AMDHD2: variants seen among roughly 807,000 people sequenced by gnomAD.
AMDHD2 encodes the protein N-acetylglucosamine-6-phosphate deacetylase.
Under a neutral mutation model 41.8 loss-of-function variants are expected in AMDHD2, and 24 were observed. The observed-to-expected ratio is 0.57, with a 90% CI of 0.42 to 0.81. The LOEUF (loss-of-function observed/expected upper bound fraction) is 0.81. AMDHD2 is among the 30% of genes least tolerant of loss of function. The pLI is 0.00. For synonymous variants in AMDHD2, 332 were observed against 255.5 expected, an observed-to-expected ratio of 1.30 and a Z score of -2.85; for missense variants, 540 against 588.5, an observed-to-expected ratio of 0.92 and a Z score of 0.85.
In AMDHD2 at chr16:2,527,473, TCTGA is replaced by T; in HGVS notation, c.361-86_361-83del. ...CTGGGCTGGGTGCTGGGCTCTGAACTCTGACCTGAGATCTCTGGCCTTGGCTAGG... is the reference window on the plus strand; with the variant it reads ...CTGGGCTGGGTGCTGGGCTCTGAACTCCTGAGATCTCTGGCCTTGGCTAGG... On this transcript the variant is annotated intron_variant, in intron 3 of 10. Transcript: ENST00000293971. The surrounding 1 kb of genome is among the most constrained non-coding windows in gnomAD (Gnocchi z 6.1). The T allele has an allele frequency of 6.8e-7, 1 of 1,468,950 alleles. No individual in the cohort carries two copies. 91.0% of individuals were successfully genotyped at this position (1,468,950 alleles called of 1,614,324 possible).
chr16:2,525,004 C>T (rs117819428), intron 3 of AMDHD2, among the ~76,000 whole-genome samples: 253 of 151,732 alleles, frequency 1.7e-3, no homozygotes, highest in Non-Finnish European at 2.2e-3. Context: ...TGTTTCTTGG[C>T]TCTAACCCAA....
At chr16:2,524,480 C>G (rs925066164) in intron 3 of AMDHD2, among the ~76,000 whole-genome samples, 1 of 152,210 alleles carries the variant, frequency 6.6e-6, no homozygotes, top group African/African-American at 2.4e-5. Context: ...GTGCCTCACT[C>G]CCCTCCCCTC....
In AMDHD2 at chr16:2,528,054, C is replaced by G. The variant is rs778728555; in HGVS notation, c.629-6C>G. Reference sequence around the variant, plus strand: ...CAGGTGCAAAGTCTGAATCCAGGTCCCGCAGGGCACTCAGTGGCTGACCTG... The same window carrying G: ...CAGGTGCAAAGTCTGAATCCAGGTCGCGCAGGGCACTCAGTGGCTGACCTG... On this transcript the variant is annotated splice_polypyrimidine_tract_variant and splice_region_variant and intron_variant, in intron 5 of 10. Transcript: ENST00000293971. 1 of 1,612,734 alleles carries G rather than the reference C, an allele frequency of 6.2e-7. No individual in the cohort carries two copies. The highest frequency in any genetic ancestry group is 8.5e-7 in the Non-Finnish European group (1 of 1,179,866).
At chr16:2,525,742 C>T (rs1596994775) in intron 3 of AMDHD2, among the ~76,000 whole-genome samples, 2 of 152,204 alleles carry the variant, frequency 1.3e-5, no homozygotes, top group African/African-American at 4.8e-5. Context: ...GATGCGGTTT[C>T]ACCACATTAG....
rs1046216380 is a variant in AMDHD2 at position 2,530,025 on chromosome 16, G to A, written c.*462G>A. 1.3e-6 allele frequency: 1 copy of A among 749,352 alleles called. No individual in the cohort carries two copies. Among genetic ancestry groups the A allele is most frequent in the Non-Finnish European group, 2.1e-6 (1 of 479,500 alleles). 46.4% of individuals were successfully genotyped at this position (749,352 alleles called of 1,614,324 possible). A position where few individuals can be genotyped will look rare whatever the true frequency, so the allele number is the denominator to read the frequency against. Reference sequence around the variant, plus strand: ...AGGAAGGGGACCAGTCACAGGGAGTGTGGACAGTCAGGGGTTTGCTTTCTG... The same window carrying A: ...AGGAAGGGGACCAGTCACAGGGAGTATGGACAGTCAGGGGTTTGCTTTCTG... On this transcript the variant is annotated 3_prime_UTR_variant, in exon 11 of 11. Transcript: ENST00000293971.
intron 3 of AMDHD2, among the ~76,000 whole-genome samples, chr16:2,525,431 A>G (rs2065991256): frequency 6.6e-6 from 1 of 150,930 alleles, no homozygotes; most frequent in Non-Finnish European, 1.5e-5. Context: ...CAATGGCACA[A>G]TCTCGGCTTA....
rs1567134941 is a variant in AMDHD2, at chr16:2,530,649, G to C, written c.*1086G>C. On this transcript the variant is annotated 3_prime_UTR_variant, in exon 11 of 11. Coordinates refer to ENST00000293971, the MANE Select transcript of AMDHD2 (RefSeq NM_001330449.2). ...ACTGTTCTCTTCCCTCTGCTGCAAA[G>C]CCCAGTTAAGGAAATGTCTCCAGGT... The C allele has an allele frequency of 1.2e-6, 2 of 1,614,196 alleles. No homozygotes were observed. The highest frequency in any genetic ancestry group is 1.7e-6 in the Non-Finnish European group (2 of 1,180,028).
At chr16:2,521,157 G>A (rs550043424) in intron 3 of AMDHD2, 34 bp downstream of exon 3, 19 of 1,517,496 alleles carry the variant, frequency 1.3e-5, no homozygotes, top group Middle Eastern at 3.5e-4. Context: ...GGTGGAGGGG[G>A]CTCCCGGAGC....
intron 10 of AMDHD2, 34 bp downstream of exon 10, chr16:2,529,129 G>A (rs1171219366): frequency 6.7e-6 from 10 of 1,502,808 alleles, no homozygotes; most frequent in African/African-American, 1.4e-5. Context: ...CGGGCAGCCT[G>A]GCCCTGCCTG....
In AMDHD2 at chr16:2,527,321, C is replaced by A. The variant is rs1232215215; in HGVS notation, c.361-240C>A. On this transcript the variant is annotated intron_variant, in intron 3 of 10. Coordinates refer to ENST00000293971, the MANE Select transcript of AMDHD2 (RefSeq NM_001330449.2). This position sits in a 1 kb window ranked among gnomAD's most constrained non-coding sequence, Gnocchi z 6.1. The stretch of plus-strand genomic sequence containing the variant: ...CAGGGCCACCCTCAGTGCCCACAAG[C>A]CTGCCCACATGGCCAGGGACCGCTG... 6.6e-6 allele frequency among the ~76,000 whole-genome samples: 1 copy of A among 152,224 alleles called. No homozygotes were observed. The highest frequency in any genetic ancestry group is 2.4e-5 in the African/African-American group (1 of 41,456).
chr16:2,527,685 C>T lies in AMDHD2; in HGVS notation c.415+70C>T. On this transcript the variant is annotated intron_variant, in intron 4 of 10. Coordinates refer to ENST00000293971, the MANE Select transcript of AMDHD2 (RefSeq NM_001330449.2). This position sits in a 1 kb window ranked among gnomAD's most constrained non-coding sequence, Gnocchi z 6.1. ...GCGGGACCTGTTGGCAGCCCCCACC[C>T]CTCCAGATGCCCAGCTGGTGGGGAG... 3.2e-6 allele frequency: 5 copies of T among 1,564,776 alleles called. No homozygotes were observed. Among genetic ancestry groups the T allele is most frequent in the Non-Finnish European group, 4.3e-6 (5 of 1,154,086 alleles).
At position 2,529,733 on chromosome 16, in the gene AMDHD2, T is replaced by G; in HGVS notation, c.*170T>G. ...GGGATAAACGTGCACCCAGCAGGAC[T>G]CGCCTTGGCTCCGGGTTTTGCTTGT... is the stretch of plus-strand genomic sequence containing the variant. On this transcript the variant is annotated 3_prime_UTR_variant, in exon 11 of 11. Transcript: ENST00000293971. 1 of 1,446,516 alleles carries G rather than the reference T, an allele frequency of 6.9e-7. No homozygotes were observed. The highest frequency in any genetic ancestry group is 9.1e-7 in the Non-Finnish European group (1 of 1,101,214). 89.6% of individuals were successfully genotyped at this position (1,446,516 alleles called of 1,614,324 possible).
At chr16:2,521,822 C>T (rs1005353392) in intron 3 of AMDHD2, among the ~76,000 whole-genome samples, 3 of 122,714 alleles carry the variant, frequency 2.4e-5, no homozygotes, top group Non-Finnish European at 4.7e-5. Flanking sequence ...CTCGCTCTGT[C>T]GCCCAGGCTG....
Position 2,521,781 on chromosome 16 carries a change from G to GTTTT in AMDHD2, c.360+675_360+678dup, listed in dbSNP as rs57701626. ...CCAACATGCTTTTTTTTTTTGTTTA[G>GTTTT]TTTTTTTTTTTTTTTTTTTTGAGAC... On this transcript the variant is annotated intron_variant, in intron 3 of 10. Coordinates refer to ENST00000293971, the MANE Select transcript of AMDHD2 (RefSeq NM_001330449.2). Among the ~76,000 whole-genome samples the GTTTT allele has an allele frequency of 1.4e-4, 16 of 111,572 alleles. 1 individual carries two copies. The highest frequency in any genetic ancestry group is 1.8e-4 in the Non-Finnish European group (10 of 55,718). 73.2% of individuals were successfully genotyped at this position (111,572 alleles called of 152,430 possible).
At position 2,530,152 on chromosome 16, in the gene AMDHD2, G is replaced by T; in HGVS notation, c.*589G>T. The T allele has an allele frequency of 7.0e-7, 1 of 1,426,242 alleles. No homozygotes were observed. The highest frequency in any genetic ancestry group is 9.2e-7 in the Non-Finnish European group (1 of 1,081,504). 88.3% of individuals were successfully genotyped at this position (1,426,242 alleles called of 1,614,324 possible). On this transcript the variant is annotated 3_prime_UTR_variant, in exon 11 of 11. Coordinates refer to ENST00000293971, the MANE Select transcript of AMDHD2 (RefSeq NM_001330449.2). ...GACCTCCAGGAGGGAGACTGGGCCC[G>T]GGACCCCTGTTTTCTGCTCCCTGGA...
At chr16:2,529,196 T>A in intron 10 of AMDHD2, 101 bp downstream of exon 10, 1 of 1,215,846 alleles carries the variant, frequency 8.2e-7, no homozygotes, top group Non-Finnish European at 1.1e-6. Context: ...GGGTCCTCCC[T>A]AGCTCCCTCC....
chr16:2,527,189 C>T lies in AMDHD2; in HGVS notation c.361-372C>T, dbSNP rs1474253966. Reference sequence around the variant, plus strand: ...CCAGCTCCGGCCATGGTGTGGACCACACACAGTGCTGAGCCCTGGCCATGC... The same window carrying T: ...CCAGCTCCGGCCATGGTGTGGACCATACACAGTGCTGAGCCCTGGCCATGC... On this transcript the variant is annotated intron_variant, in intron 3 of 10. Coordinates refer to ENST00000293971, the MANE Select transcript of AMDHD2 (RefSeq NM_001330449.2). The surrounding 1 kb of genome is among the most constrained non-coding windows in gnomAD (Gnocchi z 6.1). 4 of 332,808 alleles carry T rather than the reference C, an allele frequency of 1.2e-5. No individual in the cohort carries two copies. The highest frequency in any genetic ancestry group is 2.2e-5 in the Non-Finnish European group (4 of 179,484). 20.6% of individuals were successfully genotyped at this position (332,808 alleles called of 1,614,324 possible). A position where few individuals can be genotyped will look rare whatever the true frequency, so the allele number is the denominator to read the frequency against.
rs371750105 is a variant in AMDHD2, at chr16:2,531,126, C to T, written c.*1563C>T. 1,109 of 1,531,542 alleles carry T rather than the reference C, an allele frequency of 7.2e-4. 1 individual carries two copies. The highest frequency in any genetic ancestry group is 1.1e-3 in the African/African-American group (81 of 73,552). 94.9% of individuals were successfully genotyped at this position (1,531,542 alleles called of 1,614,324 possible). A position where few individuals can be genotyped will look rare whatever the true frequency, so the allele number is the denominator to read the frequency against. On this transcript the variant is annotated 3_prime_UTR_variant, in exon 11 of 11. Transcript: ENST00000293971. ...TTGGTCATCCCCACCTCAGACGGGA[C>T]GCCCAGTCCAGAGCTGGTGAGCCCT... is the stretch of plus-strand genomic sequence containing the variant.
rs950536695 is a variant in AMDHD2 at position 2,523,267 on chromosome 16, G to T, written c.360+2144G>T. ...CGTCTGTGTTCTAGTTCTGTCCAGA[G>T]CCCCCGCCGTTTTCCCCTCCAGCAC... On this transcript the variant is annotated intron_variant, in intron 3 of 10. Transcript: ENST00000293971. Among the ~76,000 whole-genome samples the T allele has an allele frequency of 2.6e-5, 4 of 152,290 alleles. No homozygotes were observed. The South Asian group carries it at 8.3e-4, about 32-fold the overall frequency.
Sources: gnomAD v4.1 joint callset for allele counts (sites outside exome capture counted in the v4.1 genomes callset) on GRCh38, gnomAD v4.1.1 for gene constraint, Gnocchi (gnomAD v3.1) non-coding constraint, MANE v1.5 for transcripts, NCBI Gene and HGNC (gene_info 2026-07-23, HGNC 2026-07-21) for gene names.